Variants in ZFHX3 observed in about 807,000 individuals in gnomAD.
ZFHX3 encodes the protein zinc finger homeobox protein 3.
Under a neutral mutation model 279.1 loss-of-function variants are expected in ZFHX3, and 42 were observed. That is an observed-to-expected ratio of 0.15 (90% CI 0.12 to 0.19). The LOEUF is 0.19. Among genes scored for constraint, ZFHX3 ranks in the 10% least tolerant of loss-of-function variants. The probability of loss-of-function intolerance (pLI) is 1.00; values close to 1 mark genes in which losing one functional copy is unlikely to be tolerated. For synonymous variants in ZFHX3, 2,293 were observed against 1,957.8 expected, an observed-to-expected ratio of 1.17 and a Z score of -4.52; for missense variants, 4,981 against 4,754.0, an observed-to-expected ratio of 1.05 and a Z score of -1.40.
intron 7 of ZFHX3, among the ~76,000 whole-genome samples, chr16:72,805,180 C>T (rs973992396): frequency 4.6e-5 from 7 of 151,872 alleles, no homozygotes; most frequent in African/African-American, 1.7e-4. Flanking sequence ...TGGGGTTTCA[C>T]CATGTTGGCC....
In ZFHX3 at chr16:73,789,324, G is replaced by T. The variant is rs553501886; in HGVS notation, c.-1608+102327C>A. ...GCCTCCAGAGTAGCTGGGACTACAG[G>T]TGCATGTCAGCACACCCGGCTAATT... On this transcript the variant is annotated intron_variant, in intron 1 of 17. Transcript: ENST00000641206. 5.9e-5 allele frequency among the ~76,000 whole-genome samples: 9 copies of T among 152,072 alleles called. No individual in the cohort carries two copies. The South Asian group carries it at 8.3e-4, about 14-fold the overall frequency.
intron 3 of ZFHX3, among the ~76,000 whole-genome samples, chr16:73,408,858 A>T (rs55743874): frequency 6.6e-6 from 1 of 151,820 alleles, no homozygotes; most frequent in African/African-American, 2.4e-5. Context: ...ATCAAATTCC[A>T]GCGAGGCAAC....
chr16:72,802,207 A>G (rs2143505120), intron 7 of ZFHX3, among the ~76,000 whole-genome samples: 1 of 152,268 alleles, frequency 6.6e-6, no homozygotes, highest in South Asian at 2.1e-4. Context: ...ATGGCTATGA[A>G]TAATAATGGA....
intron 4 of ZFHX3, among the ~76,000 whole-genome samples, chr16:72,843,259 T>C (rs9921081): frequency 0.08 from 12,105 of 151,704 alleles, 1,206 homozygotes; most frequent in Admixed American, 0.2. Flanking sequence ...ACCTGTAATC[T>C]CAGCACTTTG....
intron 3 of ZFHX3, among the ~76,000 whole-genome samples, chr16:73,353,700 T>C (rs1388296920): frequency 6.6e-6 from 1 of 152,052 alleles, no homozygotes; most frequent in East Asian, 1.9e-4. Context: ...ACGTGAATGC[T>C]GTTAGTATAG....
At chr16:72,984,954 T>C (rs1962784823) in intron 1 of ZFHX3, among the ~76,000 whole-genome samples, 1 of 151,984 alleles carries the variant, frequency 6.6e-6, no homozygotes, top group Non-Finnish European at 1.5e-5. Flanking sequence ...TACACATACA[T>C]CTCTCATATT....
At chr16:73,469,551 G>T (rs2018627177) in intron 2 of ZFHX3, among the ~76,000 whole-genome samples, 2 of 152,004 alleles carry the variant, frequency 1.3e-5, no homozygotes, top group African/African-American at 2.4e-5. Context: ...AGTTCTCAAA[G>T]CTGATGCCCA....
At chr16:73,418,586 A>G (rs2017646522) in intron 3 of ZFHX3, among the ~76,000 whole-genome samples, 1 of 152,350 alleles carries the variant, frequency 6.6e-6, no homozygotes, top group Middle Eastern at 3.4e-3. Context: ...ACATGTCAGA[A>G]TCCCACAGAC....
At chr16:73,541,949 C>T (rs2020022929) in intron 2 of ZFHX3, among the ~76,000 whole-genome samples, 1 of 151,804 alleles carries the variant, frequency 6.6e-6, no homozygotes, top group Non-Finnish European at 1.5e-5. Flanking sequence ...CTATAGGCAC[C>T]TGCCACCGTG....
At chr16:72,947,723 G>A (rs1474809654) in intron 3 of ZFHX3, among the ~76,000 whole-genome samples, 2 of 152,110 alleles carry the variant, frequency 1.3e-5, no homozygotes, top group South Asian at 4.1e-4. Flanking sequence ...GGTGGGGAAG[G>A]GGTGAGGAAG....
chr16:72,790,145 G>C (rs976244241), intron 9 of ZFHX3: 1 of 152,448 alleles, frequency 6.6e-6, no homozygotes, highest in African/African-American at 2.4e-5. Flanking sequence ...TAATGCAAGA[G>C]GGTGTTGCTA....
At chr16:73,617,342 C>A (rs953225995) in intron 2 of ZFHX3, among the ~76,000 whole-genome samples, 2 of 152,182 alleles carry the variant, frequency 1.3e-5, no homozygotes, top group Non-Finnish European at 2.9e-5. Flanking sequence ...ATATTTAAGA[C>A]CAATTCAGGA....
intron 2 of ZFHX3, among the ~76,000 whole-genome samples, chr16:73,503,666 C>T (rs1368525835): frequency 6.6e-6 from 1 of 152,146 alleles, no homozygotes; most frequent in Non-Finnish European, 1.5e-5. Flanking sequence ...CGCAGGATGG[C>T]CCTGGAAGAG....
intron 1 of ZFHX3, among the ~76,000 whole-genome samples, chr16:73,055,721 C>A (rs866152671): frequency 9.1e-5 from 13 of 142,616 alleles, no homozygotes; most frequent in Admixed American, 6.3e-4. Context: ...CACACACACA[C>A]ATACACACAC....
intron 1 of ZFHX3, among the ~76,000 whole-genome samples, chr16:73,822,669 T>G (rs529801055): frequency 6.6e-6 from 1 of 152,214 alleles, no homozygotes; most frequent in Non-Finnish European, 1.5e-5. Flanking sequence ...GCCTGGCAGT[T>G]GTAACTGAGT....
chr16:72,787,039 C>CTTTTTTTTTT lies in ZFHX3; in HGVS notation c.*115_*124dup, dbSNP rs76239888. 3.4e-4 allele frequency: 232 copies of CTTTTTTTTTT among 684,812 alleles called. 2 individuals carry two copies. The highest frequency in any genetic ancestry group is 2.6e-3 in the East Asian group (47 of 18,110). 42.4% of individuals were successfully genotyped at this position (684,812 alleles called of 1,614,324 possible). Reference sequence around the variant, plus strand: ...ACAACCCACGCTTTTTCTTTTTTTTCTTTTTTTTTTTTTTTTTGTTTTTTG... The same window carrying CTTTTTTTTTT: ...ACAACCCACGCTTTTTCTTTTTTTTCTTTTTTTTTTTTTTTTTTTTTTTTTTTGTTTTTTG... On this transcript the variant is annotated 3_prime_UTR_variant, in exon 10 of 10. Transcript: ENST00000268489.
intron 2 of ZFHX3, among the ~76,000 whole-genome samples, chr16:73,613,732 C>T (rs1567533323): frequency 6.6e-6 from 1 of 152,286 alleles, no homozygotes; most frequent in South Asian, 2.1e-4. Flanking sequence ...TTGTGTGCCC[C>T]GTTTCACTAG....
intron 2 of ZFHX3, among the ~76,000 whole-genome samples, chr16:72,953,033 A>AT (rs1224083806): frequency 6.6e-6 from 1 of 152,032 alleles, no homozygotes; most frequent in Non-Finnish European, 1.5e-5. Context: ...CAGAGAAAAT[A>AT]TTTTTTTCTT....
intron 4 of ZFHX3, among the ~76,000 whole-genome samples, chr16:73,306,432 G>C (rs571531269): frequency 6.6e-5 from 10 of 152,256 alleles, no homozygotes; most frequent in African/African-American, 2.2e-4. Flanking sequence ...CAATTCTCCT[G>C]CCTCAGCCTC....
Sources: gnomAD v4.1 joint callset for allele counts (sites outside exome capture counted in the v4.1 genomes callset) on GRCh38, gnomAD v4.1.1 for gene constraint, MANE v1.5 for transcripts, NCBI Gene and HGNC (gene_info 2026-07-23, HGNC 2026-07-21) for gene names.